Variants in CCNB2 observed in about 807,000 individuals in gnomAD.
CCNB2 encodes cyclin B2.
CCNB2 carries 39 observed loss-of-function variants against 51.1 expected under a neutral mutation model. The observed-to-expected ratio is 0.76, with a 90% CI of 0.59 to 1.00. CCNB2 has a LOEUF of 1.00. Among genes scored for constraint, CCNB2 ranks in the 50% least tolerant of loss-of-function variants. CCNB2 has a pLI of 0.00. For missense variants in CCNB2, 472 were observed against 470.3 expected (o/e 1.00, Z -0.03); for synonymous variants, 174 against 165.5 (o/e 1.05, Z -0.40).
Position 59,116,884 on chromosome 15 carries a change from C to G in CCNB2, c.792C>G (p.Pro264=), listed in dbSNP as rs2079281266. 4 of 1,614,132 alleles carry G rather than the reference C, an allele frequency of 2.5e-6. No individual in the cohort carries two copies. In the African/African-American group the frequency reaches 4.0e-5, roughly 16 times the overall value. The change falls in exon 6 of 9, where the codon CCC becomes CCG. Residue 264 remains proline (P), a synonymous_variant. Transcript: ENST00000288207. Reference sequence around the variant, plus strand: ...AATTGAAATTTGAGTTGGGTCGACCCTTGCCACTACACTTCTTAAGGCGAG... The same window carrying G: ...AATTGAAATTTGAGTTGGGTCGACCGTTGCCACTACACTTCTTAAGGCGAG... ...LKELKFELGR[P]LPLHFLRRAS...
chr15:59,111,999 G>C (rs1332974335), intron 3 of CCNB2, among the ~76,000 whole-genome samples: 1 of 151,850 alleles, frequency 6.6e-6, no homozygotes, highest in East Asian at 1.9e-4. Flanking sequence ...CAACAAGTGT[G>C]CGCCACCATG....
chr15:59,111,075 T>A (rs1388009959), intron 3 of CCNB2, among the ~76,000 whole-genome samples: 2 of 152,230 alleles, frequency 1.3e-5, no homozygotes, highest in Non-Finnish European at 2.9e-5. Flanking sequence ...CCTGACCAGA[T>A]GAGTAGGATC....
chr15:59,109,137 G>A (rs1325496221), intron 3 of CCNB2, among the ~76,000 whole-genome samples: 1 of 152,086 alleles, frequency 6.6e-6, no homozygotes, highest in Non-Finnish European at 1.5e-5. Context: ...TGCAACCTCC[G>A]CCTCCCGGGT....
In CCNB2 at chr15:59,114,829, CAGGAG is replaced by C; in HGVS notation, c.552_556del (p.Gln184HisfsTer38). On this transcript the variant is annotated frameshift_variant, in exon 5 of 9. Coordinates refer to ENST00000288207, the MANE Select transcript of CCNB2 (RefSeq NM_004701.4). LOFTEE classifies it high-confidence loss of function. ...AGTCCACTCCAAGTTTAGGCTTCTGCAGGAGACTCTGTACATGTGCGTTGGCATTA... is the reference window on the plus strand; with the variant it reads ...AGTCCACTCCAAGTTTAGGCTTCTGCACTCTGTACATGTGCGTTGGCATTA... 6.2e-7 allele frequency: 1 copy of C among 1,614,174 alleles called. No individual in the cohort carries two copies.
intron 7 of CCNB2, among the ~76,000 whole-genome samples, chr15:59,122,942 T>C (rs552395669): frequency 6.6e-6 from 1 of 152,252 alleles, no homozygotes; most frequent in Non-Finnish European, 1.5e-5. Flanking sequence ...GGTGTGGTAG[T>C]GTCTAAGTTC....
chr15:59,114,924 C>T lies in CCNB2; in HGVS notation c.597+48C>T, dbSNP rs755045619. On this transcript the variant is annotated intron_variant, in intron 5 of 8. Coordinates refer to ENST00000288207, the MANE Select transcript of CCNB2 (RefSeq NM_004701.4). ...CACGCCAGTGGCTCATTGAACATTG[C>T]ATTTATGCTTGGGGGATAGAAAACT... is the stretch of plus-strand genomic sequence containing the variant. The T allele has an allele frequency of 4.6e-5, 71 of 1,552,656 alleles. 1 individual carries two copies. The South Asian group carries it at 7.8e-4, about 17-fold the overall frequency.
intron 5 of CCNB2, 43 bp from the exon 6 acceptor site, chr15:59,116,647 C>T: frequency 7.3e-7 from 1 of 1,374,864 alleles, no homozygotes; most frequent in Admixed American, 1.8e-5. Context: ...AAGCTTCACT[C>T]TTCTTGTTAG....
chr15:59,119,228 GGAAA>G (rs1206026182), intron 7 of CCNB2, among the ~76,000 whole-genome samples: 1 of 152,140 alleles, frequency 6.6e-6, no homozygotes, highest in Admixed American at 6.6e-5. Flanking sequence ...AGAACACAGA[GGAAA>G]GAATTAATTT....
intron 3 of CCNB2, 111 bp downstream of exon 3, chr15:59,107,781 G>T (rs1411642869): frequency 2.6e-5 from 20 of 757,988 alleles, no homozygotes; most frequent in Non-Finnish European, 4.1e-5. Flanking sequence ...CATAGCTGGA[G>T]CTCTGCTTTG....
At position 59,114,447 on chromosome 15, in the gene CCNB2, C is replaced by T; in HGVS notation, c.271C>T (p.Pro91Ser). The T allele has an allele frequency of 6.3e-7, 1 of 1,595,620 alleles. No individual in the cohort carries two copies. The highest frequency in any genetic ancestry group is 8.5e-7 in the Non-Finnish European group (1 of 1,171,596). Residue 91 changes from proline to serine, a missense_variant, in exon 4 of 9, where the codon CCT becomes TCT. Pro to Ser is a moderately conservative substitution (Grantham distance 74). Transcript: ENST00000288207. ...GTGCCTAAATTTGTTGGTGTAGGGT[C>T]CTTCTCCCACACCTGAGGATGTCTC... is the stretch of plus-strand genomic sequence containing the variant. ...VQMEKLAPKGPSPTPEDVSMK... is the reference protein window; with the variant it reads ...VQMEKLAPKGSSPTPEDVSMK...
chr15:59,120,334 A>T (rs1244209628), intron 7 of CCNB2, among the ~76,000 whole-genome samples: 1 of 152,164 alleles, frequency 6.6e-6, no homozygotes, highest in Non-Finnish European at 1.5e-5. Flanking sequence ...TCACATCAAA[A>T]GGACATAGGA....
rs769739976 is a variant in CCNB2 at position 59,117,383 on chromosome 15, T to C, written c.975+15T>C. On this transcript the variant is annotated intron_variant, in intron 7 of 8. Transcript: ENST00000288207. ...AAGGAAAATGGGTGAGTGGTGGATT[T>C]AAGAAGAAACTAATTAGGCTATATT... is the stretch of plus-strand genomic sequence containing the variant. 3.1e-6 allele frequency: 5 copies of C among 1,610,168 alleles called. No individual in the cohort carries two copies. In the Admixed American group the frequency reaches 6.7e-5, roughly 22 times the overall value.
Position 59,110,013 on chromosome 15 carries a change from A to G in CCNB2, c.267+2343A>G, listed in dbSNP as rs369632139. Reference sequence around the variant, plus strand: ...AAACAACAACAACAAAACAAGAACAAAAACAAAAAACTTCAAACTTTTACC... The same window carrying G: ...AAACAACAACAACAAAACAAGAACAGAAACAAAAAACTTCAAACTTTTACC... On this transcript the variant is annotated intron_variant, in intron 3 of 8. Transcript: ENST00000288207. Among the ~76,000 whole-genome samples the G allele has an allele frequency of 3.0e-4, 46 of 152,310 alleles. 1 individual carries two copies. The South Asian group carries it at 9.3e-3, about 31-fold the overall frequency.
intron 7 of CCNB2, among the ~76,000 whole-genome samples, chr15:59,123,124 C>T (rs1439331368): frequency 2.6e-5 from 4 of 152,220 alleles, no homozygotes; most frequent in Non-Finnish European, 5.9e-5. Flanking sequence ...ATAACAGGGA[C>T]AGCTGGGCAG....
chr15:59,123,991 C>A (rs2079314542), intron 8 of CCNB2: 2 of 196,016 alleles, frequency 1.0e-5, no homozygotes, highest in South Asian at 2.1e-4. Context: ...GAGAGAGGGC[C>A]CACTTCAAAT....
At chr15:59,109,019 C>T (rs528113444) in intron 3 of CCNB2, among the ~76,000 whole-genome samples, 3 of 152,288 alleles carry the variant, frequency 2.0e-5, no homozygotes. Context: ...TGTGGTTCCT[C>T]CCACATCGCA....
Position 59,107,362 on chromosome 15 carries a change from C to A in CCNB2, c.65C>A (p.Ser22Tyr). ...GAGAATATTGACACAGGAGTTAATT[C>A]TAAAGTTAAGAGTCATGTGACTATT... The part of the protein sequence containing the change: ...DLENIDTGVN[S>Y]KVKSHVTIRR... Residue 22 changes from serine to tyrosine, a missense_variant, in exon 2 of 9, where the codon TCT becomes TAT. Ser to Tyr is a moderately radical substitution (Grantham distance 144, BLOSUM62 -2). Coordinates refer to ENST00000288207, the MANE Select transcript of CCNB2 (RefSeq NM_004701.4). 6.3e-7 allele frequency: 1 copy of A among 1,583,594 alleles called. No homozygotes were observed. Among genetic ancestry groups the A allele is most frequent in the Non-Finnish European group, 8.6e-7 (1 of 1,162,894 alleles).
At chr15:59,123,410 G>A in intron 7 of CCNB2, 107 bp from the exon 8 acceptor site, 1 of 667,842 alleles carries the variant, frequency 1.5e-6, no homozygotes, top group Non-Finnish European at 2.7e-6. Flanking sequence ...TTCTTGTACA[G>A]CTTTTACATA....
intron 7 of CCNB2, among the ~76,000 whole-genome samples, chr15:59,122,030 A>G (rs566425922): frequency 6.8e-6 from 1 of 147,370 alleles, no homozygotes; most frequent in East Asian, 2.0e-4. Flanking sequence ...AGGTGGGAGG[A>G]TCACTTGAGC....
Sources: allele counts gnomAD v4.1 joint callset (sites outside exome capture counted in the v4.1 genomes callset), GRCh38; gene constraint gnomAD v4.1.1; transcripts MANE v1.5; gene names NCBI Gene and HGNC (gene_info 2026-07-23, HGNC 2026-07-21).